Variants in TMEM156 observed in about 807,000 individuals in gnomAD.
The protein encoded by TMEM156 is transmembrane protein 156.
TMEM156 carries 28 observed loss-of-function variants against 30.5 expected under a neutral mutation model. The observed-to-expected ratio is 0.92, with a 90% CI of 0.68 to 1.26. The LOEUF is 1.26. Ranked by LOEUF, TMEM156 falls within the 50% of genes most tolerant of loss-of-function variation. The pLI, the probability that TMEM156 is intolerant of heterozygous loss-of-function variation, is 0.00. For missense variants in TMEM156, 351 were observed against 340.6 expected, an observed-to-expected ratio of 1.03 and a Z score of -0.24; for synonymous variants, 137 against 119.9, an observed-to-expected ratio of 1.14 and a Z score of -0.93.
At chr4:38,998,221 T>C (rs1170644848) in intron 2 of TMEM156, among the ~76,000 whole-genome samples, 1 of 152,114 alleles carries the variant, frequency 6.6e-6, no homozygotes, top group East Asian at 1.9e-4. Flanking sequence ...AGCCACATCA[T>C]TGAATGTTCC....
chr4:38,988,525 C>A (rs1177325470), intron 4 of TMEM156, among the ~76,000 whole-genome samples: 1 of 152,194 alleles, frequency 6.6e-6, no homozygotes, highest in East Asian at 1.9e-4. Flanking sequence ...AGTCACCGCG[C>A]TCGGCCTGAA....
chr4:38,976,257 C>CTCCA (rs1722844342), intron 5 of TMEM156, among the ~76,000 whole-genome samples: 1 of 138,450 alleles, frequency 7.2e-6, no homozygotes, highest in Non-Finnish European at 1.5e-5. Flanking sequence ...TGCCACTGTT[C>CTCCA]TCCAGCCTGG....
At chr4:38,982,903 T>G (rs776216497) in intron 5 of TMEM156, among the ~76,000 whole-genome samples, 1 of 152,206 alleles carries the variant, frequency 6.6e-6, no homozygotes, top group Non-Finnish European at 1.5e-5. Context: ...CAGTCCAGCA[T>G]GTGGACATGT....
intron 1 of TMEM156, among the ~76,000 whole-genome samples, chr4:39,022,659 C>T (rs915593840): frequency 6.6e-6 from 1 of 152,304 alleles, no homozygotes; most frequent in Non-Finnish European, 1.5e-5. Flanking sequence ...CCGTTGACCT[C>T]TACCAATAAG....
intron 2 of TMEM156, among the ~76,000 whole-genome samples, chr4:38,997,666 C>T (rs917659223): frequency 6.6e-6 from 1 of 152,132 alleles, no homozygotes; most frequent in Non-Finnish European, 1.5e-5. Flanking sequence ...TATTTAATTT[C>T]TCAATGATCC....
chr4:38,987,627 C>T (rs1712099271), intron 4 of TMEM156, among the ~76,000 whole-genome samples: 1 of 152,198 alleles, frequency 6.6e-6, no homozygotes, highest in South Asian at 2.1e-4. Context: ...AATCATACAA[C>T]CACCACAATA....
At chr4:39,015,413 C>T (rs1714409734) in intron 1 of TMEM156, among the ~76,000 whole-genome samples, 1 of 152,010 alleles carries the variant, frequency 6.6e-6, no homozygotes, top group Admixed American at 6.6e-5. Context: ...CAGAGTGATA[C>T]AATATGAGAA....
At chr4:38,977,374 C>T (rs180847855) in intron 5 of TMEM156, among the ~76,000 whole-genome samples, 167 of 152,214 alleles carry the variant, frequency 1.1e-3, no homozygotes, top group Admixed American at 1.6e-3. Context: ...CAACAGAAAG[C>T]GATTGCCTGT....
At chr4:39,014,651 G>T (rs777980776) in intron 1 of TMEM156, among the ~76,000 whole-genome samples, 1 of 147,608 alleles carries the variant, frequency 6.8e-6, no homozygotes, top group African/African-American at 2.7e-5. Context: ...CCAGCTACTC[G>T]GGAGGCTGAG....
At chr4:39,030,486 A>T (rs752365033) in intron 1 of TMEM156, among the ~76,000 whole-genome samples, 1 of 152,124 alleles carries the variant, frequency 6.6e-6, no homozygotes, top group Non-Finnish European at 1.5e-5. Context: ...CCCCACTAAG[A>T]ATTTCTCTGT....
chr4:38,990,552 C>T (rs898451817), intron 3 of TMEM156, among the ~76,000 whole-genome samples: 69 of 152,122 alleles, frequency 4.5e-4, no homozygotes, highest in Non-Finnish European at 2.4e-4. Context: ...ATGATGGGGA[C>T]CAGACCAGCC....
At chr4:39,001,538 C>CTTT (rs146479167) in intron 1 of TMEM156, among the ~76,000 whole-genome samples, 2 of 146,062 alleles carry the variant, frequency 1.4e-5, no homozygotes, top group African/African-American at 2.5e-5. Context: ...AGAATTACTT[C>CTTT]TTCTTTTTTT....
At chr4:39,031,609 G>A (rs1192423915) in intron 1 of TMEM156, among the ~76,000 whole-genome samples, 1 of 152,108 alleles carries the variant, frequency 6.6e-6, no homozygotes, top group Non-Finnish European at 1.5e-5. Flanking sequence ...CTTTGGGCCA[G>A]GCACAGTGGC....
chr4:38,981,186 T>C (rs927589687), intron 5 of TMEM156, among the ~76,000 whole-genome samples: 3 of 152,254 alleles, frequency 2.0e-5, no homozygotes, highest in African/African-American at 7.2e-5. Context: ...TATCTTCTCA[T>C]CTGCAGGAAG....
At position 38,999,461 on chromosome 4, in the gene TMEM156, GATTCTTCTGAA is replaced by G. The variant is rs1487692906; in HGVS notation, c.89-563_89-553del. 4.2e-5 allele frequency among the ~76,000 whole-genome samples: 5 copies of G among 120,152 alleles called. No homozygotes were observed. The East Asian group carries it at 1.5e-3, about 37-fold the overall frequency. 78.8% of individuals were successfully genotyped at this position (120,152 alleles called of 152,430 possible). ...GGGAATTTTTTATGGACAAACCTTA[GATTCTTCTGAA>G]TCCATCTGTTCCAAAATAAAGACTC... On this transcript the variant is annotated intron_variant, in intron 1 of 6. Coordinates refer to ENST00000381938, the MANE Select transcript of TMEM156 (RefSeq NM_024943.3).
rs372023511 is a variant in TMEM156 at position 38,990,378 on chromosome 4, A to G, written c.620-1408T>C. 7.9e-5 allele frequency among the ~76,000 whole-genome samples: 12 copies of G among 152,348 alleles called. No individual in the cohort carries two copies. In the South Asian group the frequency reaches 2.3e-3, roughly 29 times the overall value. Reference sequence around the variant, plus strand: ...GACTATTCCACGCTCTTCAGCTGCCAGGCTTGCATTCCTCACGCAGCAAAA... The same window carrying G: ...GACTATTCCACGCTCTTCAGCTGCCGGGCTTGCATTCCTCACGCAGCAAAA... On this transcript the variant is annotated intron_variant, in intron 3 of 6. Transcript: ENST00000381938.
intron 5 of TMEM156, among the ~76,000 whole-genome samples, chr4:38,975,589 G>T (rs1722813370): frequency 1.3e-5 from 2 of 151,778 alleles, no homozygotes. Flanking sequence ...CATCATGTTG[G>T]CTAGGCTGGC....
At chr4:39,024,247 C>T (rs1560387236) in intron 1 of TMEM156, among the ~76,000 whole-genome samples, 2 of 152,146 alleles carry the variant, frequency 1.3e-5, no homozygotes, top group African/African-American at 4.8e-5. Flanking sequence ...TGTTGGCAGG[C>T]TGGTCTCTAA....
chr4:38,987,028 GTC>G (rs1266694623), intron 4 of TMEM156, among the ~76,000 whole-genome samples: 1 of 151,908 alleles, frequency 6.6e-6, no homozygotes, highest in African/African-American at 2.4e-5. Context: ...AAATCACTAA[GTC>G]TGTCATTTGG....
Sources: gnomAD v4.1 joint callset for allele counts (sites outside exome capture counted in the v4.1 genomes callset) on GRCh38, gnomAD v4.1.1 for gene constraint, MANE v1.5 for transcripts, NCBI Gene and HGNC (gene_info 2026-07-23, HGNC 2026-07-21) for gene names.